NLRC4: variants seen among roughly 807,000 people sequenced by gnomAD.
NLRC4 encodes the protein NLR family CARD domain containing 4.
A neutral mutation model predicts 79.9 loss-of-function variants in NLRC4; 63 were observed. The observed-to-expected ratio is 0.79, with a 90% confidence interval of 0.64 to 0.97. The LOEUF is 0.97. Ranked by LOEUF, NLRC4 falls within the 50% of genes least tolerant of loss-of-function variation. The pLI is 0.00. For missense variants in NLRC4, 1,074 were observed against 1,215.2 expected (o/e 0.88, Z 1.73); for synonymous variants, 461 against 456.5 (o/e 1.01, Z -0.12).
Position 32,250,895 on chromosome 2 carries a change from G to A in NLRC4, c.969C>T (p.Leu323=). 1 of 1,614,116 alleles carries A rather than the reference G, an allele frequency of 6.2e-7. No homozygotes were observed. Among genetic ancestry groups the A allele is most frequent in the Non-Finnish European group, 8.5e-7 (1 of 1,180,020 alleles). Residue 323 remains leucine, a synonymous_variant, in exon 4 of 9, where the codon CTC becomes CTT. Coordinates refer to ENST00000402280, the MANE Select transcript of NLRC4 (RefSeq NM_001199138.2). This position sits in a 1 kb window ranked among gnomAD's most constrained non-coding sequence, Gnocchi z 4.9. The stretch of plus-strand genomic sequence containing the variant: ...TCAAGCACCTGGATTTCTGAATTTG[G>A]AGCAACAAGCCTTCAGCAAGCTCCT... The part of the protein sequence containing the change: ...LIKELAEGLL[L]QIQKSRCLRN...
chr2:32,252,900 C>T (rs1157124937), intron 2 of NLRC4, among the ~76,000 whole-genome samples: 1 of 151,922 alleles, frequency 6.6e-6, no homozygotes, highest in Non-Finnish European at 1.5e-5. Context: ...CGCCTGTAGT[C>T]CCAGCTACTT....
intron 4 of NLRC4, among the ~76,000 whole-genome samples, chr2:32,241,981 TGAAA>T (rs1397758019): frequency 2.0e-5 from 3 of 151,620 alleles, no homozygotes; most frequent in Non-Finnish European, 4.4e-5. Context: ...GCAAAATAAA[TGAAA>T]GAAGAAAGAA....
chr2:32,226,377 A>G (rs212708), intron 8 of NLRC4, among the ~76,000 whole-genome samples: 85,676 of 152,014 alleles, frequency 0.56, 24,350 homozygotes, highest in Admixed American at 0.59. Context: ...CACCATCATA[A>G]GGTCTTGAGT....
upstream of NLRC4, chr2:32,265,460 C>A (rs1687444103): frequency 6.6e-6 from 1 of 152,368 alleles, no homozygotes; most frequent in Non-Finnish European, 1.5e-5. Flanking sequence ...GGATTACAGG[C>A]GTGAGCCACC....
At chr2:32,255,242 C>T (rs958491938) in intron 2 of NLRC4, among the ~76,000 whole-genome samples, 9 of 152,174 alleles carry the variant, frequency 5.9e-5, no homozygotes, top group South Asian at 4.1e-4. Flanking sequence ...CAGCCTCACC[C>T]GGGCGCAGTG....
intron 4 of NLRC4, among the ~76,000 whole-genome samples, chr2:32,244,544 CA>C (rs373739695): frequency 0.1 from 14,672 of 147,092 alleles, 759 homozygotes; most frequent in Middle Eastern, 0.19. Context: ...TGAAATAAGG[CA>C]AAAAAAAAAA....
At chr2:32,257,725 A>T (rs148180709) in intron 1 of NLRC4, among the ~76,000 whole-genome samples, 9 of 151,812 alleles carry the variant, frequency 5.9e-5, no homozygotes, top group African/African-American at 9.7e-5. Context: ...ATCAGGGAGT[A>T]TGGAAAGGGG....
chr2:32,246,144 A>T (rs1162994355), intron 4 of NLRC4, among the ~76,000 whole-genome samples: 1 of 152,230 alleles, frequency 6.6e-6, no homozygotes, highest in Non-Finnish European at 1.5e-5. Context: ...AGATTGTGCC[A>T]CTGCACTCCA....
At chr2:32,259,262 A>ATTTTGTTTTTTTTTTTTTT (rs1687280900) in intron 1 of NLRC4, among the ~76,000 whole-genome samples, 1 of 52,878 alleles carries the variant, frequency 1.9e-5, no homozygotes, top group African/African-American at 9.4e-5. Flanking sequence ...TGCCTGGCTA[A>ATTTTGTTTTTTTTTTTTTT]TTTTTTTTTT....
chr2:32,242,386 T>A lies in NLRC4; in HGVS notation c.2258-1261A>T, dbSNP rs532964332. Among the ~76,000 whole-genome samples, 14 of 152,322 alleles carry A rather than the reference T, an allele frequency of 9.2e-5. No homozygotes were observed. The South Asian group carries it at 2.9e-3, about 32-fold the overall frequency. On this transcript the variant is annotated intron_variant, in intron 4 of 8. Transcript: ENST00000402280. Reference sequence around the variant, plus strand: ...AATTAGAGAATAATATAAACAAATCTATGCACATAAATTTGACAACATATA... The same window carrying A: ...AATTAGAGAATAATATAAACAAATCAATGCACATAAATTTGACAACATATA...
At position 32,256,017 on chromosome 2, in the gene NLRC4, CA is replaced by C. The variant is rs1161149617; in HGVS notation, c.1+757del. Among the ~76,000 whole-genome samples the C allele has an allele frequency of 8.2e-3, 1,100 of 134,148 alleles. 13 individuals are homozygous for C. The highest frequency in any genetic ancestry group is 0.028 in the African/African-American group (1,017 of 36,280). The allele number at this position is 134,148 out of a possible 152,430, so 88.0% of individuals were successfully genotyped here. Reference sequence around the variant, plus strand: ...CTACAGAGCGAGACTCCATCTCACACAAAAAAAAAAATTTACAAAAAAAAAT... The same window carrying C: ...CTACAGAGCGAGACTCCATCTCACACAAAAAAAAAATTTACAAAAAAAAAT... On this transcript the variant is annotated intron_variant, in intron 2 of 8. Coordinates refer to ENST00000402280, the MANE Select transcript of NLRC4 (RefSeq NM_001199138.2).
chr2:32,263,210 G>T (rs1201482562), intron 1 of NLRC4, among the ~76,000 whole-genome samples: 1 of 152,152 alleles, frequency 6.6e-6, no homozygotes, highest in African/African-American at 2.4e-5. Context: ...AATGGAAAAT[G>T]TGTGTGGGCT....
At chr2:32,236,846 A>G (rs1686684835) in intron 6 of NLRC4, among the ~76,000 whole-genome samples, 3 of 127,234 alleles carry the variant, frequency 2.4e-5, no homozygotes, top group Non-Finnish European at 3.3e-5. Context: ...TAATAAAAAC[A>G]TAGTAAAAAA....
rs1687038803 is a variant in NLRC4 at position 32,250,245 on chromosome 2, G to A, written c.1619C>T (p.Thr540Ile). Residue 540 changes from threonine to isoleucine, a missense_variant, in exon 4 of 9, where the codon ACC (threonine) becomes ATC (isoleucine). Thr to Ile is a moderately conservative substitution (Grantham distance 89, BLOSUM62 -1). Coordinates refer to ENST00000402280, the MANE Select transcript of NLRC4 (RefSeq NM_001199138.2). This position sits in a 1 kb window ranked among gnomAD's most constrained non-coding sequence, Gnocchi z 4.9. ...GGCTTTCAGAATTTCTTGCTCAGTGGTGTTTTTCACACTTTGCAAAGATTC... is the reference window on the plus strand; with the variant it reads ...GGCTTTCAGAATTTCTTGCTCAGTGATGTTTTTCACACTTTGCAAAGATTC... Reference protein sequence around the residue: ...RQESLQSVKNTTEQEILKAIN... With the variant: ...RQESLQSVKNITEQEILKAIN... The A allele has an allele frequency of 6.2e-7, 1 of 1,614,166 alleles. No individual in the cohort carries two copies. The highest frequency in any genetic ancestry group is 8.5e-7 in the Non-Finnish European group (1 of 1,180,044).
chr2:32,247,045 A>G (rs1226257584), intron 4 of NLRC4, among the ~76,000 whole-genome samples: 2 of 152,162 alleles, frequency 1.3e-5, no homozygotes, highest in Non-Finnish European at 2.9e-5. Flanking sequence ...GGTGTGAGTC[A>G]CCTGGCCTGG....
intron 8 of NLRC4, among the ~76,000 whole-genome samples, chr2:32,226,038 A>AAT (rs1398828469): frequency 6.6e-6 from 1 of 152,216 alleles, no homozygotes; most frequent in Non-Finnish European, 1.5e-5. Context: ...AAGACCACTA[A>AAT]AGAGTTCAAG....
intron 5 of NLRC4, among the ~76,000 whole-genome samples, chr2:32,238,668 G>GGT (rs796252836): frequency 4.8e-4 from 73 of 151,746 alleles, no homozygotes; most frequent in African/African-American, 1.7e-3. Context: ...AAACAGCGGG[G>GGT]GGGCTGAGTT....
At position 32,235,455 on chromosome 2, in the gene NLRC4, C is replaced by CAA. The variant is rs751310927; in HGVS notation, c.2727_2728insTT (p.Val910LeufsTer6). The CAA allele has an allele frequency of 3.1e-6, 5 of 1,614,090 alleles. No homozygotes were observed. The South Asian group carries it at 5.5e-5, about 18-fold the overall frequency. On this transcript the variant is annotated frameshift_variant, in exon 8 of 9. Transcript: ENST00000402280. LOFTEE classifies it high-confidence loss of function. Reference sequence around the variant, plus strand: ...CTCCAGTTTTTCAACCCAAGCTTGACGAGTTGTGGGACCTCCTCCAAATGT... The same window carrying CAA: ...CTCCAGTTTTTCAACCCAAGCTTGACAAGAGTTGTGGGACCTCCTCCAAATGT...
At chr2:32,229,482 C>CA (rs796584639) in intron 8 of NLRC4, among the ~76,000 whole-genome samples, 1 of 151,776 alleles carries the variant, frequency 6.6e-6, no homozygotes. Context: ...ACAAAACAAA[C>CA]AAAAAAACAG....
Sources: gnomAD v4.1 joint callset for allele counts (sites outside exome capture counted in the v4.1 genomes callset) on GRCh38, gnomAD v4.1.1 for gene constraint, Gnocchi (gnomAD v3.1) non-coding constraint, MANE v1.5 for transcripts, NCBI Gene and HGNC (gene_info 2026-07-23, HGNC 2026-07-21) for gene names.